The following MRTFB variants were observed in gnomAD, a reference collection of about 807,000 sequenced individuals.
The protein encoded by MRTFB is myocardin-related transcription factor B.
A neutral mutation model predicts 104.2 loss-of-function variants in MRTFB; 29 were observed. The ratio of observed to expected loss-of-function variants is 0.28; its 90% confidence interval spans 0.21 to 0.38. The LOEUF is 0.38. MRTFB is among the 10% of genes least tolerant of loss of function. MRTFB has a pLI of 1.00. For missense variants in MRTFB, 1,270 were observed against 1,341.6 expected, an observed-to-expected ratio of 0.95 and a Z score of 0.83; for synonymous variants, 535 against 519.5, an observed-to-expected ratio of 1.03 and a Z score of -0.41.
At chr16:14,257,894 G>A (rs563410895) in intron 15 of MRTFB, among the ~76,000 whole-genome samples, 25 of 152,180 alleles carry the variant, frequency 1.6e-4, no homozygotes, top group Non-Finnish European at 3.4e-4. Flanking sequence ...GTGGAGCTGG[G>A]TACTAACTAG....
the MRTFB span, among the ~76,000 whole-genome samples, chr16:14,017,476 G>T: frequency 1.3e-5 from 2 of 150,920 alleles, no homozygotes; most frequent in Admixed American, 1.3e-4. Context: ...GAATCCAGTT[G>T]TGCCTGAATT....
At chr16:14,185,152 A>C (rs150820858) in intron 3 of MRTFB, among the ~76,000 whole-genome samples, 4 of 152,210 alleles carry the variant, frequency 2.6e-5, no homozygotes, top group African/African-American at 9.6e-5. Flanking sequence ...GCTTGTCACT[A>C]TTTGTTCCTG....
chr16:14,171,864 G>A (rs941700198), intron 3 of MRTFB, among the ~76,000 whole-genome samples: 1 of 152,098 alleles, frequency 6.6e-6, no homozygotes, highest in Non-Finnish European at 1.5e-5. Flanking sequence ...TTCAGTATTT[G>A]TTCATATCCT....
chr16:14,143,981 C>T (rs774715442), intron 3 of MRTFB: 10 of 152,188 alleles, frequency 6.6e-5, no homozygotes, highest in African/African-American at 2.2e-4. Flanking sequence ...TATTTGACTA[C>T]GTTTTAAAAA....
intron 3 of MRTFB, chr16:14,151,869 C>T (rs545630581): frequency 2.0e-5 from 3 of 152,246 alleles, no homozygotes; most frequent in South Asian, 4.1e-4. Flanking sequence ...GGACTATGAC[C>T]TCCAAAACAG....
rs377200727 is a variant in MRTFB, at chr16:14,252,060, G to T, written c.2565+37G>T. 33 of 1,601,978 alleles carry T rather than the reference G, an allele frequency of 2.1e-5. No homozygotes were observed. In the South Asian group the frequency reaches 2.8e-4, roughly 13 times the overall value. On this transcript the variant is annotated intron_variant, in intron 14 of 16. Transcript: ENST00000571589. ...AGGCTTGTGTGTCAGTGACAGTGCC[G>T]CAGGGGCATCAAATCATTCCAAAGC... is the stretch of plus-strand genomic sequence containing the variant.
At chr16:14,071,581 A>G (rs1048734100) in intron 1 of MRTFB, among the ~76,000 whole-genome samples, 4 of 146,356 alleles carry the variant, frequency 2.7e-5, no homozygotes, top group African/African-American at 9.9e-5. Context: ...GCCTCCTTCA[A>G]CCGGTCCTCG....
rs1356420541 is a variant in MRTFB, at chr16:14,249,035, A to G, written c.2357A>G (p.Asp786Gly). The change falls in exon 13 of 17, where the codon GAC becomes GGC. Residue 786 changes from aspartate to glycine, a missense_variant. Transcript: ENST00000571589. ...GLAPTVPQTQDTFPQHVLSQP... is the reference protein window; with the variant it reads ...GLAPTVPQTQGTFPQHVLSQP... Reference sequence around the variant, plus strand: ...GCCCCAACTGTACCTCAGACACAAGACACGTTCCCGCAGCATGTGCTCAGT... The same window carrying G: ...GCCCCAACTGTACCTCAGACACAAGGCACGTTCCCGCAGCATGTGCTCAGT... 1.9e-6 allele frequency: 3 copies of G among 1,614,082 alleles called. No homozygotes were observed. The highest frequency in any genetic ancestry group is 2.5e-6 in the Non-Finnish European group (3 of 1,180,040).
intron 10 of MRTFB, among the ~76,000 whole-genome samples, chr16:14,243,497 G>C (rs529996117): frequency 3.3e-5 from 5 of 152,306 alleles, no homozygotes; most frequent in African/African-American, 1.2e-4. Flanking sequence ...CAATGGAATC[G>C]GCTGTACGGT....
chr16:14,093,035 A>G (rs549060492), intron 2 of MRTFB, among the ~76,000 whole-genome samples: 7 of 152,292 alleles, frequency 4.6e-5, no homozygotes, highest in Admixed American at 1.3e-4. Flanking sequence ...CTTAATGACT[A>G]TTGGAACACT....
intron 3 of MRTFB, among the ~76,000 whole-genome samples, chr16:14,192,588 A>T (rs559591352): frequency 2.0e-5 from 3 of 152,182 alleles, no homozygotes; most frequent in African/African-American, 7.2e-5. Context: ...AAACTTCTGT[A>T]AGCCCCTACA....
intron 3 of MRTFB, among the ~76,000 whole-genome samples, chr16:14,165,550 C>T (rs1380920745): frequency 1.3e-5 from 2 of 152,204 alleles, no homozygotes; most frequent in Admixed American, 6.5e-5. Flanking sequence ...AGCCCTGCTG[C>T]ACTACTCACT....
intron 2 of MRTFB, among the ~76,000 whole-genome samples, chr16:14,085,552 A>G (rs181076442): frequency 1.3e-5 from 2 of 152,044 alleles, no homozygotes; most frequent in Non-Finnish European, 2.9e-5. Context: ...TTTTCACTCC[A>G]AGTTAACATT....
At position 14,261,388 on chromosome 16, in the gene MRTFB, A is replaced by C; in HGVS notation, c.3244A>C (p.Ser1082Arg). Residue 1082 changes from serine to arginine, a missense_variant, in exon 17 of 17, where the codon AGC becomes CGC. Ser to Arg is a moderately radical substitution (Grantham distance 110). Around this residue, in one of 3 missense-constraint regions of MRTFB, gnomAD observed 1,144 missense variants for 1,131.5 expected, o/e 1.01. Transcript: ENST00000571589. Reference sequence around the variant, plus strand: ...CACTCCTCTCAGCACCACCGCGCCGAGCATGTTCTCTGCTGACTTTCTAGA... The same window carrying C: ...CACTCCTCTCAGCACCACCGCGCCGCGCATGTTCTCTGCTGACTTTCTAGA... Reference protein sequence around the residue: ...GLTPLSTTAPSMFSADFLDPQ... With the variant: ...GLTPLSTTAPRMFSADFLDPQ... 2.5e-6 allele frequency: 4 copies of C among 1,613,636 alleles called. No homozygotes were observed. The highest frequency in any genetic ancestry group is 3.4e-6 in the Non-Finnish European group (4 of 1,179,660).
chr16:14,212,556 T>C, intron 5 of MRTFB, 147 bp downstream of exon 5: 1 of 740,818 alleles, frequency 1.3e-6, no homozygotes, highest in Non-Finnish European at 2.2e-6. Context: ...TAGAGAATAT[T>C]TACTCTGGGA....
the MRTFB span, among the ~76,000 whole-genome samples, chr16:14,014,228 C>CA: frequency 6.6e-6 from 1 of 152,108 alleles, no homozygotes; most frequent in Non-Finnish European, 1.5e-5. Flanking sequence ...AGTCTTCTTG[C>CA]AATCATTTCA....
chr16:14,071,325 G>T lies in MRTFB; in HGVS notation c.-169G>T, dbSNP rs938013537. On this transcript the variant is annotated 5_prime_UTR_variant, in exon 1 of 17. Coordinates refer to ENST00000571589, the MANE Select transcript of MRTFB (RefSeq NM_001308142.2). ...GAGGGGAGCGAAGTCTCGCGAGATCGCGCGGCGGCGGCGGGAGCGGCGGCG... is the reference window on the plus strand; with the variant it reads ...GAGGGGAGCGAAGTCTCGCGAGATCTCGCGGCGGCGGCGGGAGCGGCGGCG... 11 of 166,990 alleles carry T rather than the reference G, an allele frequency of 6.6e-5. No individual in the cohort carries two copies. Among genetic ancestry groups the T allele is most frequent in the Admixed American group, 6.5e-5 (1 of 15,352 alleles). The allele number at this position is 166,990 out of a possible 1,614,324, so 10.3% of individuals were successfully genotyped here.
intron 2 of MRTFB, among the ~76,000 whole-genome samples, chr16:14,084,617 G>A (rs2034593329): frequency 6.6e-6 from 1 of 152,102 alleles, no homozygotes; most frequent in Non-Finnish European, 1.5e-5. Flanking sequence ...TATCAATTGT[G>A]GAATAGCATA....
intron 3 of MRTFB, among the ~76,000 whole-genome samples, chr16:14,199,144 C>G (rs1425246722): frequency 4.6e-5 from 7 of 152,204 alleles, no homozygotes. Context: ...GTAGCTCCTC[C>G]AGGGATTAAA....
Sources: gnomAD v4.1 joint callset for allele counts (sites outside exome capture counted in the v4.1 genomes callset) on GRCh38, gnomAD v4.1.1 for gene constraint, gnomAD v4.1.1 regional missense constraint, MANE v1.5 for transcripts, NCBI Gene and HGNC (gene_info 2026-07-23, HGNC 2026-07-21) for gene names.